ULK4: variants seen among roughly 807,000 people sequenced by gnomAD.
The protein encoded by ULK4 is inactive serine/threonine-protein kinase ULK4.
Under a neutral mutation model 160.6 loss-of-function variants are expected in ULK4, and 133 were observed. That is an observed-to-expected ratio of 0.83 (90% CI 0.72 to 0.96). The LOEUF (loss-of-function observed/expected upper bound fraction) is 0.96, where lower values mean the gene tolerates loss of function less well. ULK4 is among the 40% of genes least tolerant of loss of function. The probability of loss-of-function intolerance (pLI) is 0.00; values close to 1 mark genes in which losing one functional copy is unlikely to be tolerated. For missense variants in ULK4, 1,580 were observed against 1,499.5 expected (o/e 1.05, Z -0.89); for synonymous variants, 534 against 539.8 (o/e 0.99, Z 0.15).
At chr3:41,459,575 T>G (rs935797461) in intron 33 of ULK4, among the ~76,000 whole-genome samples, 4 of 152,194 alleles carry the variant, frequency 2.6e-5, no homozygotes, top group Non-Finnish European at 4.4e-5. Flanking sequence ...TCCAAATAAC[T>G]GTGCTAAGGC....
At chr3:41,294,007 G>A (rs180825834) in intron 35 of ULK4, among the ~76,000 whole-genome samples, 118 of 152,340 alleles carry the variant, frequency 7.7e-4, no homozygotes, top group African/African-American at 2.7e-3. Context: ...GGCCCAGCCC[G>A]GAGGGTTGAT....
intron 34 of ULK4, among the ~76,000 whole-genome samples, chr3:41,401,829 A>G (rs945300368): frequency 1.3e-5 from 2 of 152,194 alleles, no homozygotes; most frequent in Non-Finnish European, 2.9e-5. Context: ...GTTTGGCTTT[A>G]ATGGAAAAGT....
intron 21 of ULK4, among the ~76,000 whole-genome samples, chr3:41,773,942 G>C (rs2039505950): frequency 6.6e-6 from 1 of 152,140 alleles, no homozygotes; most frequent in Non-Finnish European, 1.5e-5. Context: ...TCTGATCTTT[G>C]ACAAACCTGA....
intron 32 of ULK4, among the ~76,000 whole-genome samples, chr3:41,564,446 CTTCTTT>C (rs2087714815): frequency 1.6e-5 from 2 of 121,414 alleles, no homozygotes; most frequent in African/African-American, 6.0e-5. Context: ...TCTTCTTCTT[CTTCTTT>C]TTTTTTTTTT....
chr3:41,795,120 A>G (rs919054703), intron 20 of ULK4, among the ~76,000 whole-genome samples: 12 of 152,238 alleles, frequency 7.9e-5, no homozygotes, highest in African/African-American at 2.9e-4. Context: ...AAGGAGATTC[A>G]GCTCTGTAAG....
chr3:41,627,971 A>C (rs1424248382), intron 30 of ULK4, among the ~76,000 whole-genome samples: 1 of 152,218 alleles, frequency 6.6e-6, no homozygotes, highest in Non-Finnish European at 1.5e-5. Flanking sequence ...ACAGCCTTGA[A>C]TGCCATGCTA....
At chr3:41,933,616 C>A (rs1011782392) in intron 4 of ULK4, among the ~76,000 whole-genome samples, 1 of 152,110 alleles carries the variant, frequency 6.6e-6, no homozygotes, top group African/African-American at 2.4e-5. Context: ...TAAACAACTC[C>A]CGGATAGATA....
At chr3:41,328,619 T>A (rs1473806103) in intron 35 of ULK4, among the ~76,000 whole-genome samples, 1 of 152,196 alleles carries the variant, frequency 6.6e-6, no homozygotes, top group Non-Finnish European at 1.5e-5. Context: ...GCAGGCTTCG[T>A]AGAAGGCAAT....
chr3:41,626,925 C>T (rs1250939510), intron 30 of ULK4, among the ~76,000 whole-genome samples: 2 of 152,070 alleles, frequency 1.3e-5, no homozygotes, highest in Non-Finnish European at 1.5e-5. Flanking sequence ...ATTTCATGTC[C>T]ATTGAAAACA....
At chr3:41,888,220 C>G (rs1333503451) in intron 16 of ULK4, among the ~76,000 whole-genome samples, 1 of 152,106 alleles carries the variant, frequency 6.6e-6, no homozygotes, top group African/African-American at 2.4e-5. Context: ...CAGATCTAAA[C>G]TTATGAGACA....
At chr3:41,844,260 C>T (rs900315782) in intron 17 of ULK4, among the ~76,000 whole-genome samples, 4 of 152,180 alleles carry the variant, frequency 2.6e-5, no homozygotes, top group African/African-American at 7.2e-5. Context: ...CAGGAGCCCG[C>T]GGAGGGGGTG....
At chr3:41,589,474 T>C (rs2031116447) in intron 31 of ULK4, among the ~76,000 whole-genome samples, 1 of 135,506 alleles carries the variant, frequency 7.4e-6, no homozygotes, top group African/African-American at 2.8e-5. Context: ...AGTTACTAGG[T>C]AGGAGTAAGA....
chr3:41,255,050 G>T (rs953304317), intron 35 of ULK4, among the ~76,000 whole-genome samples: 1 of 149,068 alleles, frequency 6.7e-6, no homozygotes, highest in African/African-American at 2.5e-5. Context: ...CCAAGTAAAA[G>T]ATTTCAAGCT....
intron 35 of ULK4, among the ~76,000 whole-genome samples, chr3:41,312,215 T>A (rs1185768202): frequency 6.6e-6 from 1 of 152,038 alleles, no homozygotes; most frequent in Non-Finnish European, 1.5e-5. Flanking sequence ...CTTCAAGTGA[T>A]CCTCCTGCCT....
chr3:41,491,069 G>C (rs897417648), intron 32 of ULK4, among the ~76,000 whole-genome samples: 5 of 152,174 alleles, frequency 3.3e-5, no homozygotes, highest in Non-Finnish European at 5.9e-5. Context: ...TGAGATCACT[G>C]AGAACACATT....
chr3:41,631,836 G>A (rs533041918), intron 30 of ULK4, among the ~76,000 whole-genome samples: 1 of 152,222 alleles, frequency 6.6e-6, no homozygotes, highest in South Asian at 2.1e-4. Context: ...TGGTTGCTAT[G>A]ATGTGGTTGC....
chr3:41,339,379 A>G (rs1005809782), intron 35 of ULK4, among the ~76,000 whole-genome samples: 2 of 152,080 alleles, frequency 1.3e-5, no homozygotes, highest in African/African-American at 4.8e-5. Flanking sequence ...GCCATGTGAA[A>G]AGCCCAGGAC....
At chr3:41,283,910 A>G (rs1048414963) in intron 35 of ULK4, among the ~76,000 whole-genome samples, 4 of 152,014 alleles carry the variant, frequency 2.6e-5, no homozygotes, top group African/African-American at 9.7e-5. Context: ...ATACACCAAC[A>G]GTGACCAAGC....
chr3:41,915,726 G>A (rs1465556023), intron 8 of ULK4, among the ~76,000 whole-genome samples: 6 of 152,168 alleles, frequency 3.9e-5, no homozygotes, highest in African/African-American at 1.4e-4. Context: ...TACATGAAAA[G>A]AGAAACTGAC....
Sources: gnomAD v4.1 joint callset for allele counts (sites outside exome capture counted in the v4.1 genomes callset) on GRCh38, gnomAD v4.1.1 for gene constraint, MANE v1.5 for transcripts, NCBI Gene and HGNC (gene_info 2026-07-23, HGNC 2026-07-21) for gene names.